Variants in FBXO32 observed in about 807,000 individuals in gnomAD.
FBXO32 encodes F-box only protein 32.
FBXO32 carries 15 observed loss-of-function variants against 48.3 expected under a neutral mutation model. That is an observed-to-expected ratio of 0.31 (90% CI 0.21 to 0.48). The LOEUF is 0.48. FBXO32 is among the 20% of genes least tolerant of loss of function. The pLI, the probability that FBXO32 is intolerant of heterozygous loss-of-function variation, is 0.99. For missense variants in FBXO32, 309 were observed against 432.7 expected (o/e 0.71, Z 2.54); for synonymous variants, 154 against 165.9 (o/e 0.93, Z 0.55).
Position 123,499,767 on chromosome 8 carries a change from A to T in FBXO32, c.*3606T>A, listed in dbSNP as rs899091949. The T allele has an allele frequency of 6.6e-6, 1 of 152,214 alleles. No individual in the cohort carries two copies. The highest frequency in any genetic ancestry group is 1.5e-5 in the Non-Finnish European group (1 of 68,048). 9.4% of individuals were successfully genotyped at this position (152,214 alleles called of 1,614,324 possible). A position where few individuals can be genotyped will look rare whatever the true frequency, so the allele number is the denominator to read the frequency against. On this transcript the variant is annotated 3_prime_UTR_variant, in exon 9 of 9. Coordinates refer to ENST00000517956, the MANE Select transcript of FBXO32 (RefSeq NM_058229.4). ...CCAAGCTCTTTCTCTTCTCCCATATAAAAACAACAGAAACAGGAGGCTGTT... is the reference window on the plus strand; with the variant it reads ...CCAAGCTCTTTCTCTTCTCCCATATTAAAACAACAGAAACAGGAGGCTGTT...
chr8:123,541,059 G>C lies in FBXO32; in HGVS notation c.-45C>G. 7.3e-7 allele frequency: 1 copy of C among 1,371,456 alleles called. No individual in the cohort carries two copies. The highest frequency in any genetic ancestry group is 1.0e-6 in the Non-Finnish European group (1 of 1,002,688). 85.0% of individuals were successfully genotyped at this position (1,371,456 alleles called of 1,614,324 possible). A position where few individuals can be genotyped will look rare whatever the true frequency, so the allele number is the denominator to read the frequency against. ...ACGGATGGGGAGACGGGGCCGGCCTGGTGGGCTCGGGGACGTGCCACCCGG... is the reference window on the plus strand; with the variant it reads ...ACGGATGGGGAGACGGGGCCGGCCTCGTGGGCTCGGGGACGTGCCACCCGG... On this transcript the variant is annotated 5_prime_UTR_variant, in exon 1 of 9. Coordinates refer to ENST00000517956, the MANE Select transcript of FBXO32 (RefSeq NM_058229.4).
At chr8:123,510,033 A>G (rs1342579509) in intron 6 of FBXO32, among the ~76,000 whole-genome samples, 1 of 152,242 alleles carries the variant, frequency 6.6e-6, no homozygotes, top group African/African-American at 2.4e-5. Flanking sequence ...CACTCAGTAC[A>G]GCGCCCAATA....
At position 123,498,427 on chromosome 8, in the gene FBXO32, T is replaced by A. The variant is rs900910194; in HGVS notation, c.*4946A>T. 1.1e-4 allele frequency: 16 copies of A among 152,226 alleles called. No individual in the cohort carries two copies. The highest frequency in any genetic ancestry group is 7.3e-5 in the Non-Finnish European group (5 of 68,050). The allele number at this position is 152,226 out of a possible 1,614,324, so 9.4% of individuals were successfully genotyped here. ...GAGCAGGGCCTAAGTTTTGAGAGAT[T>A]CTCCAGAAAGCTTTGTTTGCTGAGT... On this transcript the variant is annotated 3_prime_UTR_variant, in exon 9 of 9. Transcript: ENST00000517956.
intron 1 of FBXO32, among the ~76,000 whole-genome samples, chr8:123,538,509 G>A (rs749819893): frequency 2.8e-4 from 43 of 152,186 alleles, no homozygotes; most frequent in Non-Finnish European, 5.3e-4. Flanking sequence ...CTGACATCAC[G>A]GGGAAACATC....
intron 6 of FBXO32, among the ~76,000 whole-genome samples, chr8:123,511,148 A>C (rs1816726442): frequency 6.6e-6 from 1 of 152,240 alleles, no homozygotes; most frequent in Admixed American, 6.5e-5. Flanking sequence ...GGATTGAAAA[A>C]GTTTGGAAAC....
chr8:123,520,350 C>T (rs954148794), intron 4 of FBXO32, among the ~76,000 whole-genome samples: 3 of 152,058 alleles, frequency 2.0e-5, no homozygotes, highest in East Asian at 1.9e-4. Context: ...GGAGGCTTCT[C>T]GGCTCCTCTG....
At chr8:123,515,329 AG>A (rs2130520717) in intron 4 of FBXO32, among the ~76,000 whole-genome samples, 1 of 151,876 alleles carries the variant, frequency 6.6e-6, no homozygotes, top group African/African-American at 2.4e-5. Context: ...TCCGCCTCCC[AG>A]GTTCAAGTGA....
intron 4 of FBXO32, among the ~76,000 whole-genome samples, chr8:123,518,902 G>A (rs191956016): frequency 2.0e-5 from 3 of 152,206 alleles, no homozygotes; most frequent in African/African-American, 4.8e-5. Flanking sequence ...GCTCACTGTA[G>A]CCTTTACCTC....
chr8:123,503,524 A>G (rs1816543204), intron 8 of FBXO32, 62 bp from the exon 9 acceptor site: 1 of 1,360,968 alleles, frequency 7.3e-7, no homozygotes, highest in Non-Finnish European at 1.0e-6. Context: ...TTTTAGCACC[A>G]TAAGGCATTT....
At chr8:123,515,479 C>T (rs1321448995) in intron 4 of FBXO32, among the ~76,000 whole-genome samples, 3 of 150,804 alleles carry the variant, frequency 2.0e-5, no homozygotes, top group African/African-American at 7.3e-5. Flanking sequence ...GAACTCCTGA[C>T]CTCAGGTGAT....
rs534498351 is a variant in FBXO32 at position 123,522,372 on chromosome 8, C to T, written c.373-8039G>A. 4.6e-5 allele frequency among the ~76,000 whole-genome samples: 7 copies of T among 152,048 alleles called. No individual in the cohort carries two copies. The East Asian group carries it at 1.4e-3, about 29-fold the overall frequency. ...TACAAGTGCCTGCCACCATGTCCGG[C>T]TGATTTTTGTATTTTTAAGAGAGAC... On this transcript the variant is annotated intron_variant, in intron 4 of 8. Transcript: ENST00000517956.
intron 6 of FBXO32, among the ~76,000 whole-genome samples, chr8:123,510,911 T>C (rs1406557169): frequency 6.6e-6 from 1 of 152,160 alleles, no homozygotes; most frequent in Non-Finnish European, 1.5e-5. Flanking sequence ...GGTGATATGA[T>C]GGTGATGTCC....
chr8:123,534,001 G>A (rs888095090), intron 2 of FBXO32, among the ~76,000 whole-genome samples: 2 of 151,534 alleles, frequency 1.3e-5, no homozygotes, highest in South Asian at 2.1e-4. Context: ...GCTGAGGCAC[G>A]AGAATCACTT....
intron 4 of FBXO32, among the ~76,000 whole-genome samples, chr8:123,515,950 C>A (rs1816830907): frequency 6.6e-6 from 1 of 152,256 alleles, no homozygotes; most frequent in East Asian, 1.9e-4. Flanking sequence ...CGAGATCGTG[C>A]CATTGAACTC....
At chr8:123,520,719 G>A (rs1225456237) in intron 4 of FBXO32, among the ~76,000 whole-genome samples, 2 of 152,066 alleles carry the variant, frequency 1.3e-5, no homozygotes, top group East Asian at 1.9e-4. Context: ...TTTTAGCATA[G>A]CATTCATAGT....
In FBXO32 at chr8:123,540,983, G is replaced by A; in HGVS notation, c.32C>T (p.Pro11Leu). 6.2e-7 allele frequency: 1 copy of A among 1,612,360 alleles called. No individual in the cohort carries two copies. Among genetic ancestry groups the A allele is most frequent in the Admixed American group, 1.7e-5 (1 of 59,954 alleles). The change falls in exon 1 of 9, where the codon CCC (proline) becomes CTC (leucine). Residue 11 changes from proline (P) to leucine (L), a missense_variant. Pro to Leu is a moderately conservative substitution (Grantham distance 98). Transcript: ENST00000517956. The surrounding 1 kb of genome is among the most constrained non-coding windows in gnomAD (Gnocchi z 6.4). The part of the protein sequence containing the change: MPFLGQDWRS[P>L]GQNWVKTADG... ...GGCCGTCTTCACCCAGTTCTGCCCGGGGGACCGCCAGTCCTGCCCGAGGAA... is the reference window on the plus strand; with the variant it reads ...GGCCGTCTTCACCCAGTTCTGCCCGAGGGACCGCCAGTCCTGCCCGAGGAA...
Position 123,506,739 on chromosome 8 carries a change from A to G in FBXO32, c.652-165T>C. ...TCCCCATCCTAAATGCAGACAGGAG[A>G]CCATGGCCATGACCCTCAATGAAGT... On this transcript the variant is annotated intron_variant, in intron 6 of 8. Coordinates refer to ENST00000517956, the MANE Select transcript of FBXO32 (RefSeq NM_058229.4). The surrounding 1 kb of genome is among the most constrained non-coding windows in gnomAD (Gnocchi z 4.0). 1.6e-6 allele frequency: 1 copy of G among 619,438 alleles called. No homozygotes were observed. Among genetic ancestry groups the G allele is most frequent in the Non-Finnish European group, 2.9e-6 (1 of 347,322 alleles). 38.4% of individuals were successfully genotyped at this position (619,438 alleles called of 1,614,324 possible). A position where few individuals can be genotyped will look rare whatever the true frequency, so the allele number is the denominator to read the frequency against.
chr8:123,502,593 A>C lies in FBXO32; in HGVS notation c.*780T>G, dbSNP rs987618812. On this transcript the variant is annotated 3_prime_UTR_variant, in exon 9 of 9. Transcript: ENST00000517956. Reference sequence around the variant, plus strand: ...CCCAAATGAGCTACAACATGACAGGAAAAAAGGAACATGTGCTTTTGGGTT... The same window carrying C: ...CCCAAATGAGCTACAACATGACAGGCAAAAAGGAACATGTGCTTTTGGGTT... The C allele has an allele frequency of 6.6e-6, 1 of 152,248 alleles. No individual in the cohort carries two copies. The highest frequency in any genetic ancestry group is 1.5e-5 in the Non-Finnish European group (1 of 68,068). The allele number at this position is 152,248 out of a possible 1,614,324, so 9.4% of individuals were successfully genotyped here.
rs1474112161 is a variant in FBXO32, at chr8:123,506,939, C to T, written c.652-365G>A. Among the ~76,000 whole-genome samples the T allele has an allele frequency of 1.3e-5, 2 of 152,160 alleles. No individual in the cohort carries two copies. The highest frequency in any genetic ancestry group is 4.8e-5 in the African/African-American group (2 of 41,422). On this transcript the variant is annotated intron_variant, in intron 6 of 8. Coordinates refer to ENST00000517956, the MANE Select transcript of FBXO32 (RefSeq NM_058229.4). The surrounding 1 kb of genome is among the most constrained non-coding windows in gnomAD (Gnocchi z 4.0). ...GCCCTGGATGGAGTGGCCCAGCCTG[C>T]CACCCCAAGTCCCATCTCTCTGGCC...
Sources: allele counts gnomAD v4.1 joint callset (sites outside exome capture counted in the v4.1 genomes callset), GRCh38; gene constraint gnomAD v4.1.1; non-coding constraint Gnocchi (gnomAD v3.1); transcripts MANE v1.5; gene names NCBI Gene and HGNC (gene_info 2026-07-23, HGNC 2026-07-21).